The following ZNF69 variants were observed in gnomAD, a reference collection of about 807,000 sequenced individuals.
ZNF69 encodes zinc finger protein 69.
ZNF69 carries 47 observed loss-of-function variants against 50.9 expected under a neutral mutation model. That is an observed-to-expected ratio of 0.92 (90% CI 0.73 to 1.18). ZNF69 has a LOEUF of 1.18. Among genes scored for constraint, ZNF69 ranks in the 50% most tolerant of loss-of-function variants. The pLI is 0.00. For synonymous variants in ZNF69, 216 were observed against 223.1 expected, an observed-to-expected ratio of 0.97 and a Z score of 0.29; for missense variants, 717 against 675.1, an observed-to-expected ratio of 1.06 and a Z score of -0.69.
At chr19:11,903,028 T>C (rs1171110548) in intron 1 of ZNF69, among the ~76,000 whole-genome samples, 2 of 152,112 alleles carry the variant, frequency 1.3e-5, no homozygotes, top group African/African-American at 4.8e-5. Flanking sequence ...TCTCAACTAC[T>C]CAGGAGGCTG....
the ZNF69 span, among the ~76,000 whole-genome samples, chr19:11,932,576 G>C: frequency 6.8e-6 from 1 of 146,582 alleles, no homozygotes; most frequent in Non-Finnish European, 1.5e-5. Context: ...CCCAACCTGG[G>C]TACCCATCCA....
chr19:11,918,703 C>T (rs1972541955), downstream of ZNF69, among the ~76,000 whole-genome samples: 1 of 152,044 alleles, frequency 6.6e-6, no homozygotes. Flanking sequence ...AATCCTCTTG[C>T]CTCGGCCTCC....
the ZNF69 span, chr19:11,947,154 T>C: frequency 6.2e-7 from 1 of 1,608,662 alleles, no homozygotes; most frequent in South Asian, 1.1e-5. Context: ...CTCACCCATC[T>C]TCCTCTACAC....
the ZNF69 span, among the ~76,000 whole-genome samples, chr19:11,953,774 A>G: frequency 6.6e-6 from 1 of 152,216 alleles, no homozygotes; most frequent in Non-Finnish European, 1.5e-5. Context: ...CACACCCAAC[A>G]TTACCCTGGA....
In ZNF69 at chr19:11,905,098, T is replaced by G. The variant is rs754447928; in HGVS notation, c.701T>G (p.Leu234Ter). 27 of 1,614,166 alleles carry G rather than the reference T, an allele frequency of 1.7e-5. No individual in the cohort carries two copies. In the South Asian group the frequency reaches 2.9e-4, roughly 17 times the overall value. Residue 234 changes from leucine to a stop codon, truncating the protein, a stop_gained, in exon 4 of 4, where the codon TTA becomes TGA. Transcript: ENST00000429654. LOFTEE classifies it high-confidence loss of function. ...FCGKAFHCLS[L>*]YLIHERIHTG... ...GGGAAAGCCTTCCATTGTCTCAGTT[T>G]ATATCTTATCCATGAAAGAATTCAC...
At chr19:11,927,280 A>G in the ZNF69 span, among the ~76,000 whole-genome samples, 3 of 152,016 alleles carry the variant, frequency 2.0e-5, no homozygotes, top group Admixed American at 6.6e-5. Context: ...CTTGAACCCC[A>G]GAGGCAGAGG....
the ZNF69 span, chr19:11,977,571 A>G: frequency 8.9e-7 from 1 of 1,129,358 alleles, no homozygotes; most frequent in Non-Finnish European, 1.2e-6. Context: ...TCATATATTT[A>G]CATGTGACTA....
At chr19:11,942,468 G>C in the ZNF69 span, among the ~76,000 whole-genome samples, 2 of 152,102 alleles carry the variant, frequency 1.3e-5, no homozygotes, top group African/African-American at 4.8e-5. Flanking sequence ...TTTGTAGCAG[G>C]ACAAGCCGCA....
the ZNF69 span, chr19:11,925,116 C>T: frequency 2.0e-6 from 3 of 1,484,382 alleles, no homozygotes; most frequent in Non-Finnish European, 2.8e-6. Context: ...TCCTCACCTT[C>T]CTCGCTGCGC....
At chr19:11,903,787 A>T in intron 2 of ZNF69, 88 bp downstream of exon 2, 1 of 1,603,336 alleles carries the variant, frequency 6.2e-7, no homozygotes, top group African/African-American at 1.3e-5. Flanking sequence ...GAACATAGAC[A>T]GGAAATACTT....
In ZNF69 at chr19:11,905,417, A is replaced by G. The variant is rs1264978631; in HGVS notation, c.1020A>G (p.Ala340=). ...KPYECTQCGK[A]LSSLTSFQTH... is the part of the protein sequence containing the mutation. ...ATGAATGTACGCAGTGTGGGAAAGC[A>G]TTATCCTCTCTTACAAGTTTTCAAA... The change falls in exon 4 of 4, where the codon GCA becomes GCG. Residue 340 remains alanine (A), a synonymous_variant. Coordinates refer to ENST00000429654, the MANE Select transcript of ZNF69 (RefSeq NM_001364730.1). 47 of 1,614,094 alleles carry G rather than the reference A, an allele frequency of 2.9e-5. No individual in the cohort carries two copies. The highest frequency in any genetic ancestry group is 3.8e-5 in the Non-Finnish European group (45 of 1,180,044).
At chr19:11,972,354 T>TA in the ZNF69 span, among the ~76,000 whole-genome samples, 1 of 152,212 alleles carries the variant, frequency 6.6e-6, no homozygotes, top group Non-Finnish European at 1.5e-5. Context: ...TGTTGTCTTT[T>TA]AAAAATTACA....
At chr19:11,925,187 T>C in the ZNF69 span, 1 of 1,611,156 alleles carries the variant, frequency 6.2e-7, no homozygotes, top group Non-Finnish European at 8.5e-7. Flanking sequence ...GTACCCAGGC[T>C]TCTGTCGCTC....
rs145116600 is a variant in ZNF69, at chr19:11,904,733, G to C, written c.336G>C (p.Leu112=). The C allele has an allele frequency of 1.2e-6, 2 of 1,613,966 alleles. No individual in the cohort carries two copies. The highest frequency in any genetic ancestry group is 1.7e-6 in the Non-Finnish European group (2 of 1,179,860). The stretch of plus-strand genomic sequence containing the variant: ...TTACCCAGGTTCCAGATGACAGGCT[G>C]AACTTCCAGGAGAAGAAAGCTTCTC... ...ETFTQVPDDR[L]NFQEKKASPE... is the part of the protein sequence containing the mutation. Residue 112 remains leucine (L), a synonymous_variant, in exon 4 of 4, where the codon CTG becomes CTC. Transcript: ENST00000429654.
chr19:11,891,776 T>C (rs1415483884), intron 1 of ZNF69, among the ~76,000 whole-genome samples: 1 of 152,150 alleles, frequency 6.6e-6, no homozygotes, highest in Admixed American at 6.6e-5. Context: ...TTCAGGCTGT[T>C]TTCTTCATGG....
chr19:11,940,377 C>T, the ZNF69 span, among the ~76,000 whole-genome samples: 1 of 152,056 alleles, frequency 6.6e-6, no homozygotes, highest in Non-Finnish European at 1.5e-5. Context: ...GAGTTTGTTC[C>T]TTCTGATGTT....
chr19:11,947,032 G>A, the ZNF69 span: 1 of 1,313,000 alleles, frequency 7.6e-7, no homozygotes, highest in South Asian at 1.7e-5. Context: ...AAGAAAGTAA[G>A]TATAGATGGA....
the ZNF69 span, chr19:11,950,105 A>C: frequency 6.2e-7 from 1 of 1,614,234 alleles, no homozygotes; most frequent in South Asian, 1.1e-5. Context: ...CTTCAAATAC[A>C]TGCAAGAACA....
At chr19:11,975,552 C>T in the ZNF69 span, among the ~76,000 whole-genome samples, 2 of 152,094 alleles carry the variant, frequency 1.3e-5, no homozygotes, top group African/African-American at 2.4e-5. Context: ...CGCCCGCCAC[C>T]GCGTCCAGCC....
Sources: allele counts gnomAD v4.1 joint callset (sites outside exome capture counted in the v4.1 genomes callset), GRCh38; gene constraint gnomAD v4.1.1; transcripts MANE v1.5; gene names NCBI Gene and HGNC (gene_info 2026-07-23, HGNC 2026-07-21).